The following TMEM132D variants were observed in gnomAD, a reference collection of about 807,000 sequenced individuals.
TMEM132D encodes the protein mature OL transmembrane protein.
TMEM132D carries 21 observed loss-of-function variants against 62.3 expected under a neutral mutation model. The ratio of observed to expected loss-of-function variants is 0.34; its 90% CI spans 0.24 to 0.49. The LOEUF is 0.49. TMEM132D is among the 20% of genes least tolerant of loss of function. TMEM132D has a pLI of 0.99. For synonymous variants in TMEM132D, 621 were observed against 575.6 expected (o/e 1.08, Z -1.13); for missense variants, 1,346 against 1,402.8 (o/e 0.96, Z 0.65).
chr12:129,680,525 C>T (rs762131017), intron 2 of TMEM132D, among the ~76,000 whole-genome samples: 9 of 152,208 alleles, frequency 5.9e-5, no homozygotes, highest in Admixed American at 1.3e-4. Flanking sequence ...ATCCATCTGC[C>T]TTTGATCGCA....
At chr12:129,589,478 G>A (rs768163381) in intron 2 of TMEM132D, among the ~76,000 whole-genome samples, 15 of 152,138 alleles carry the variant, frequency 9.9e-5, no homozygotes, top group East Asian at 1.9e-4. Flanking sequence ...GTACCTACCC[G>A]CATATGCAAG....
At chr12:129,078,842 G>T in intron 7 of TMEM132D, 117 bp from the exon 8 acceptor site, 2 of 1,006,510 alleles carry the variant, frequency 2.0e-6, no homozygotes, top group Non-Finnish European at 1.5e-6. Flanking sequence ...GAGCCAGAAT[G>T]AATGAGAACA....
At chr12:129,271,290 A>G (rs2135600953) in intron 4 of TMEM132D, among the ~76,000 whole-genome samples, 1 of 150,152 alleles carries the variant, frequency 6.7e-6, no homozygotes, top group East Asian at 1.9e-4. Flanking sequence ...TCGTAACACC[A>G]AAGCTAAAAT....
In TMEM132D at chr12:129,903,131, ATGCACACAAGCGCGCACACACACT is replaced by A. The variant is rs1875423387; in HGVS notation, c.79+106_79+129del. The A allele has an allele frequency of 2.0e-6, 2 of 990,652 alleles. No homozygotes were observed. Among genetic ancestry groups the A allele is most frequent in the Admixed American group, 4.6e-5 (2 of 43,592 alleles). 61.4% of individuals were successfully genotyped at this position (990,652 alleles called of 1,614,324 possible). On this transcript the variant is annotated intron_variant, in intron 1 of 8. Coordinates refer to ENST00000422113, the MANE Select transcript of TMEM132D (RefSeq NM_133448.3). The surrounding 1 kb of genome is among the most constrained non-coding windows in gnomAD (Gnocchi z 6.2). ...CACGTTCACACGCGCGCACACACAC[ATGCACACAAGCGCGCACACACACT>A]TGCACACGAGCCCTCTCTCCCGGCC...
At chr12:129,832,075 G>A (rs1465106166) in intron 1 of TMEM132D, among the ~76,000 whole-genome samples, 2 of 122,136 alleles carry the variant, frequency 1.6e-5, no homozygotes, top group African/African-American at 6.2e-5. Flanking sequence ...TTTTAGTAGA[G>A]ACGAGGTTTC....
At chr12:129,427,323 C>A (rs1378602385) in intron 3 of TMEM132D, among the ~76,000 whole-genome samples, 1 of 151,592 alleles carries the variant, frequency 6.6e-6, no homozygotes, top group East Asian at 1.9e-4. Context: ...AGAAAGGAAG[C>A]CTCCTTCTCA....
rs547138757 is a variant in TMEM132D at position 129,617,971 on chromosome 12, C to T, written c.968+81839G>A. 3.3e-4 allele frequency among the ~76,000 whole-genome samples: 50 copies of T among 152,276 alleles called. No individual in the cohort carries two copies. The South Asian group carries it at 0.01, about 32-fold the overall frequency. On this transcript the variant is annotated intron_variant, in intron 2 of 8. Coordinates refer to ENST00000422113, the MANE Select transcript of TMEM132D (RefSeq NM_133448.3). Reference sequence around the variant, plus strand: ...TCAAGTCTGATGCTTTCTGGTACCTCGTAGCTCTGTGGCCTCGACATCGGC... The same window carrying T: ...TCAAGTCTGATGCTTTCTGGTACCTTGTAGCTCTGTGGCCTCGACATCGGC...
chr12:129,607,113 G>A (rs61943547), intron 2 of TMEM132D, among the ~76,000 whole-genome samples: 6,138 of 150,616 alleles, frequency 0.041, 188 homozygotes, highest in Non-Finnish European at 0.056. Context: ...GGGGAGGGTC[G>A]CAAGATTACC....
chr12:129,795,687 C>G (rs1871542774), intron 1 of TMEM132D, among the ~76,000 whole-genome samples: 1 of 152,122 alleles, frequency 6.6e-6, no homozygotes, highest in Middle Eastern at 3.2e-3. Flanking sequence ...CTCTTTACAT[C>G]AAAAATGTAT....
chr12:129,412,109 G>A (rs1460504394), intron 3 of TMEM132D, among the ~76,000 whole-genome samples: 7 of 151,640 alleles, frequency 4.6e-5, no homozygotes, highest in Non-Finnish European at 8.8e-5. Flanking sequence ...CTATTTCAAA[G>A]CCACTTTAAA....
At chr12:129,206,257 A>T (rs1486580085) in intron 5 of TMEM132D, among the ~76,000 whole-genome samples, 1 of 152,246 alleles carries the variant, frequency 6.6e-6, no homozygotes, top group Non-Finnish European at 1.5e-5. Flanking sequence ...ACAATTTTAC[A>T]AGCAAAAACC....
chr12:129,540,758 G>A (rs536302858), intron 2 of TMEM132D, among the ~76,000 whole-genome samples: 89 of 152,240 alleles, frequency 5.8e-4, no homozygotes, highest in Non-Finnish European at 1.1e-3. Flanking sequence ...CTAAAGTAAC[G>A]AGATTACAGG....
At chr12:129,877,613 G>GCGCACA (rs1555238201) in intron 1 of TMEM132D, among the ~76,000 whole-genome samples, 5 of 144,402 alleles carry the variant, frequency 3.5e-5, no homozygotes, top group African/African-American at 5.1e-5. Flanking sequence ...GCGCGCGCGC[G>GCGCACA]CACACACACA....
chr12:129,235,516 G>C (rs1879756565), intron 4 of TMEM132D, among the ~76,000 whole-genome samples: 1 of 151,752 alleles, frequency 6.6e-6, no homozygotes, highest in Non-Finnish European at 1.5e-5. Flanking sequence ...ATTAATCCTT[G>C]CTGTTACATG....
intron 3 of TMEM132D, among the ~76,000 whole-genome samples, chr12:129,485,354 G>A (rs550227171): frequency 2.1e-4 from 32 of 152,320 alleles, no homozygotes; most frequent in African/African-American, 7.7e-4. Flanking sequence ...CCATGGATGA[G>A]CAGAATGGAT....
intron 3 of TMEM132D, among the ~76,000 whole-genome samples, chr12:129,434,650 A>T (rs1362634228): frequency 1.3e-5 from 2 of 149,118 alleles, no homozygotes; most frequent in Non-Finnish European, 3.0e-5. Flanking sequence ...AGACATTTTT[A>T]AAGTTGTAGT....
rs2135604912 is a variant in TMEM132D, at chr12:129,074,848, G to C, written c.2327C>G (p.Ser776Cys). ...LVKVEMVISE[S>C]CQKSKRKSVL... Reference sequence around the variant, plus strand: ...ACTCTTCCGCTTGGATTTCTGGCAGGATTCACTAATAACCATTTCCACCTT... The same window carrying C: ...ACTCTTCCGCTTGGATTTCTGGCAGCATTCACTAATAACCATTTCCACCTT... Residue 776 changes from serine to cysteine, a missense_variant, in exon 9 of 9, where the codon TCC becomes TGC. Coordinates refer to ENST00000422113, the MANE Select transcript of TMEM132D (RefSeq NM_133448.3). 6.2e-7 allele frequency: 1 copy of C among 1,613,918 alleles called. No individual in the cohort carries two copies. The highest frequency in any genetic ancestry group is 2.2e-5 in the East Asian group (1 of 44,860).
intron 1 of TMEM132D, among the ~76,000 whole-genome samples, chr12:129,814,586 G>A (rs60822912): frequency 0.2 from 27,154 of 137,244 alleles, 2,891 homozygotes; most frequent in East Asian, 0.48. Flanking sequence ...ACTCCAGCCT[G>A]GGCAACAAGA....
chr12:129,553,666 C>T (rs1876966248), intron 2 of TMEM132D, among the ~76,000 whole-genome samples: 1 of 152,206 alleles, frequency 6.6e-6, no homozygotes, highest in South Asian at 2.1e-4. Flanking sequence ...AAGAGATGCA[C>T]AAATTGGGCT....
Sources: gnomAD v4.1 joint callset for allele counts (sites outside exome capture counted in the v4.1 genomes callset) on GRCh38, gnomAD v4.1.1 for gene constraint, Gnocchi (gnomAD v3.1) non-coding constraint, MANE v1.5 for transcripts, NCBI Gene and HGNC (gene_info 2026-07-23, HGNC 2026-07-21) for gene names.